Variants in SIAE observed in about 807,000 individuals in gnomAD.
SIAE encodes sialate O-acetylesterase.
In SIAE, 39 loss-of-function variants were observed where a neutral mutation model predicts 52.6. That is an observed-to-expected ratio of 0.74 (90% CI 0.57 to 0.97). The LOEUF is 0.97. SIAE is among the 50% of genes least tolerant of loss of function. The pLI, the probability that SIAE is intolerant of heterozygous loss-of-function variation, is 0.00. For missense variants in SIAE, 592 were observed against 662.1 expected (o/e 0.89, Z 1.16); for synonymous variants, 233 against 241.4 (o/e 0.97, Z 0.32).
chr11:124,659,868 A>G (rs536377200), intron 3 of SIAE: 2 of 152,372 alleles, frequency 1.3e-5, no homozygotes, highest in South Asian at 4.1e-4. Flanking sequence ...AAGCAAAACA[A>G]TAAATCATAG....
At chr11:124,658,411 T>A (rs550444988) in intron 3 of SIAE, among the ~76,000 whole-genome samples, 1 of 152,018 alleles carries the variant, frequency 6.6e-6, no homozygotes. Flanking sequence ...TTTGTTGGAA[T>A]GTGGTACCAG....
chr11:124,652,848 C>T (rs747492711), intron 4 of SIAE, among the ~76,000 whole-genome samples: 8 of 152,252 alleles, frequency 5.3e-5, no homozygotes, highest in Non-Finnish European at 8.8e-5. Context: ...CCAGCACGAA[C>T]ACTTCCTATT....
At chr11:124,648,469 GT>G (rs960737394) in intron 5 of SIAE, among the ~76,000 whole-genome samples, 2 of 144,582 alleles carry the variant, frequency 1.4e-5, no homozygotes, top group African/African-American at 5.8e-5. Context: ...TTCTCACATT[GT>G]GGGGGGGGGC....
chr11:124,675,519 A>G, upstream of SIAE: 1 of 1,300,490 alleles, frequency 7.7e-7, no homozygotes, highest in South Asian at 1.5e-5. Context: ...AAAGCCTTTT[A>G]TGAGGCAGGG....
At chr11:124,639,012 G>A (rs1217933427) in intron 8 of SIAE, among the ~76,000 whole-genome samples, 5 of 152,132 alleles carry the variant, frequency 3.3e-5, no homozygotes, top group African/African-American at 1.2e-4. Context: ...CATGGAAGAA[G>A]GAAAGATACC....
At position 124,637,072 on chromosome 11, in the gene SIAE, G is replaced by A. The variant is rs748949092; in HGVS notation, c.1451C>T (p.Thr484Met). The change falls in exon 10 of 10, where the codon ACG (threonine) becomes ATG (methionine). Residue 484 changes from threonine to methionine, a missense_variant. Coordinates refer to ENST00000263593, the MANE Select transcript of SIAE (RefSeq NM_170601.5). ...ACACTGCTTATATTCACAAGGCCACGTGGTCCAAGCATAGCGGAGAGCAAC... is the reference window on the plus strand; with the variant it reads ...ACACTGCTTATATTCACAAGGCCACATGGTCCAAGCATAGCGGAGAGCAAC... The part of the protein sequence containing the change: ...TVVALRYAWT[T>M]WPCEYKQCPL... 7 of 1,614,052 alleles carry A rather than the reference G, an allele frequency of 4.3e-6. No individual in the cohort carries two copies. Among genetic ancestry groups the A allele is most frequent in the African/African-American group, 4.0e-5 (3 of 74,924 alleles).
rs1942702770 is a variant in SIAE at position 124,635,300 on chromosome 11, G to C, written c.*1651C>G. 1 of 152,176 alleles carries C rather than the reference G, an allele frequency of 6.6e-6. No homozygotes were observed. The highest frequency in any genetic ancestry group is 2.1e-4 in the South Asian group (1 of 4,834). The allele number at this position is 152,176 out of a possible 1,614,324, so 9.4% of individuals were successfully genotyped here. On this transcript the variant is annotated 3_prime_UTR_variant, in exon 10 of 10. Coordinates refer to ENST00000263593, the MANE Select transcript of SIAE (RefSeq NM_170601.5). The stretch of plus-strand genomic sequence containing the variant: ...TGGGCAATAGGGGTTAACTGAACGA[G>C]TTGAATGCTAGGAAGTCCTCAGGGG...
chr11:124,672,071 T>G (rs542582658), intron 1 of SIAE, among the ~76,000 whole-genome samples: 1 of 151,886 alleles, frequency 6.6e-6, no homozygotes, highest in Non-Finnish European at 1.5e-5. Flanking sequence ...CCACCGCGCC[T>G]GGCCAATTTT....
chr11:124,639,033 TAA>T lies in SIAE; in HGVS notation c.1125-298_1125-297del, dbSNP rs201043144. 9.3e-3 allele frequency among the ~76,000 whole-genome samples: 1,414 copies of T among 152,266 alleles called. 16 individuals are homozygous for T. Among genetic ancestry groups the T allele is most frequent in the African/African-American group, 0.032 (1,328 of 41,544 alleles). On this transcript the variant is annotated intron_variant, in intron 8 of 9. Coordinates refer to ENST00000263593, the MANE Select transcript of SIAE (RefSeq NM_170601.5). ...AGAAGGAAAGATACCAGAACTAACC[TAA>T]GAGAGCTAACTCATAAGATTGTTCC...
At position 124,633,965 on chromosome 11, in the gene SIAE, A is replaced by G. The variant is rs1273654945; in HGVS notation, c.*2986T>C. The G allele has an allele frequency of 3.9e-5, 6 of 152,264 alleles. No individual in the cohort carries two copies. Among genetic ancestry groups the G allele is most frequent in the African/African-American group, 9.6e-5 (4 of 41,466 alleles). 9.4% of individuals were successfully genotyped at this position (152,264 alleles called of 1,614,324 possible). A position where few individuals can be genotyped will look rare whatever the true frequency, so the allele number is the denominator to read the frequency against. On this transcript the variant is annotated 3_prime_UTR_variant, in exon 10 of 10. Transcript: ENST00000263593. ...CTGGTTTTTCAGCTATAATGCATAT[A>G]CAACTATAGTGTGTACGTATACCAC...
At chr11:124,674,613 A>G, upstream of SIAE, 1 of 152,156 alleles carries the variant, frequency 6.6e-6, no homozygotes, top group East Asian at 1.9e-4. Context: ...GAAACCGAAA[A>G]ATATAAGAAT....
intron 2 of SIAE, among the ~76,000 whole-genome samples, chr11:124,666,365 A>T (rs184178845): frequency 5.4e-4 from 83 of 152,326 alleles, no homozygotes; most frequent in South Asian, 1.0e-3. Context: ...CTTTTGAGAG[A>T]CATTTTCTGC....
In SIAE at chr11:124,647,471, T is replaced by G; in HGVS notation, c.860A>C (p.Asp287Ala). 6.2e-7 allele frequency: 1 copy of G among 1,614,160 alleles called. No individual in the cohort carries two copies. Among genetic ancestry groups the G allele is most frequent in the Non-Finnish European group, 8.5e-7 (1 of 1,180,016 alleles). The change falls in exon 7 of 10, where the codon GAT becomes GCT. Residue 287 changes from aspartate (D) to alanine (A), a missense_variant. Asp to Ala is a moderately radical substitution (Grantham distance 126). Transcript: ENST00000263593. ...QGESNINYNTDLYNCTFPALI... is the reference protein window; with the variant it reads ...QGESNINYNTALYNCTFPALI... ...TGCAGGGAATGTGCAATTGTACAGA[T>G]CCGTGTTATAATTTATATTGGACTC...
chr11:124,640,007 T>C (rs1388779231), intron 7 of SIAE, 140 bp from the exon 8 acceptor site: 22 of 1,043,626 alleles, frequency 2.1e-5, no homozygotes, highest in Non-Finnish European at 2.9e-5. Flanking sequence ...CTTACTGTTG[T>C]GGCAGTGTCT....
Position 124,649,786 on chromosome 11 carries a change from G to A in SIAE, c.555C>T (p.Gly185=), listed in dbSNP as rs762579048. ...CTGACATGTACTTGAAATATCCATG[G>A]CCTAAGTTTTCTGTTCAGAGAAATG... is the stretch of plus-strand genomic sequence containing the variant. The part of the protein sequence containing the change: ...QWSKPTSENL[G]HGYFKYMSAV... Residue 185 remains glycine (G), a synonymous_variant, in exon 5 of 10, where the codon GGC becomes GGT. Coordinates refer to ENST00000263593, the MANE Select transcript of SIAE (RefSeq NM_170601.5). The A allele has an allele frequency of 1.2e-6, 2 of 1,614,150 alleles. No homozygotes were observed. The highest frequency in any genetic ancestry group is 1.7e-6 in the Non-Finnish European group (2 of 1,180,004).
At chr11:124,641,814 G>T (rs138698482) in intron 7 of SIAE, among the ~76,000 whole-genome samples, 1,595 of 152,056 alleles carry the variant, frequency 0.01, 26 homozygotes, top group African/African-American at 0.036. Context: ...CAAAAAATTA[G>T]CCGGGAGTGG....
At chr11:124,639,611 T>G in intron 8 of SIAE, 99 bp downstream of exon 8, 1 of 1,514,682 alleles carries the variant, frequency 6.6e-7, no homozygotes, top group Non-Finnish European at 9.1e-7. Context: ...GACTCTTAAG[T>G]GCCAATCCTC....
intron 3 of SIAE, among the ~76,000 whole-genome samples, chr11:124,658,261 CAGA>C (rs199956665): frequency 2.7e-3 from 400 of 149,296 alleles, no homozygotes; most frequent in African/African-American, 9.7e-3. Context: ...CACACACACA[CAGA>C]AGGACAGAAA....
chr11:124,648,474 G>A (rs903692413), intron 5 of SIAE, among the ~76,000 whole-genome samples: 1 of 151,952 alleles, frequency 6.6e-6, no homozygotes, highest in Admixed American at 6.6e-5. Flanking sequence ...ACATTGTGGG[G>A]GGGGGCCAAT....
Sources: allele counts gnomAD v4.1 joint callset (sites outside exome capture counted in the v4.1 genomes callset), GRCh38; gene constraint gnomAD v4.1.1; transcripts MANE v1.5; gene names NCBI Gene and HGNC (gene_info 2026-07-23, HGNC 2026-07-21).